The following TRIM62 variants were observed in gnomAD, a reference collection of about 807,000 sequenced individuals.
The protein encoded by TRIM62 is E3 ubiquitin-protein ligase TRIM62.
A neutral mutation model predicts 44.2 loss-of-function variants in TRIM62; 39 were observed. The observed-to-expected ratio is 0.88, with a 90% CI of 0.68 to 1.15. TRIM62 has a LOEUF of 1.15. TRIM62 is among the 50% of genes most tolerant of loss of function. TRIM62 has a pLI of 0.00. For missense variants in TRIM62, 544 were observed against 665.5 expected (o/e 0.82, Z 2.01); for synonymous variants, 278 against 292.3 (o/e 0.95, Z 0.50).
intron 1 of TRIM62, among the ~76,000 whole-genome samples, chr1:33,178,594 G>GT (rs1451760713): frequency 2.6e-5 from 4 of 152,198 alleles, no homozygotes; most frequent in Non-Finnish European, 4.4e-5. Context: ...ACCTCAAATA[G>GT]CAGGTTAATC....
rs1645338945 is a variant in TRIM62, at chr1:33,167,487, C to T, written c.409-1921G>A. ...CCATTGTATTATCGCCAGTTGTTCTCCTGTCTGTCTCTTCTTCGTCCCCGT... is the reference window on the plus strand; with the variant it reads ...CCATTGTATTATCGCCAGTTGTTCTTCTGTCTGTCTCTTCTTCGTCCCCGT... On this transcript the variant is annotated intron_variant, in intron 1 of 4. Transcript: ENST00000291416. This position sits in a 1 kb window ranked among gnomAD's most constrained non-coding sequence, Gnocchi z 4.2. Among the ~76,000 whole-genome samples, 2 of 152,188 alleles carry T rather than the reference C, an allele frequency of 1.3e-5. No homozygotes were observed. The highest frequency in any genetic ancestry group is 4.1e-4 in the South Asian group (2 of 4,828).
At chr1:33,168,973 G>T (rs998810437) in intron 1 of TRIM62, among the ~76,000 whole-genome samples, 3 of 151,818 alleles carry the variant, frequency 2.0e-5, no homozygotes, top group African/African-American at 7.3e-5. Context: ...CCCTGATTTT[G>T]CAGTCAGGGA....
chr1:33,181,663 G>T lies in TRIM62; in HGVS notation c.-231C>A. 1 of 700,276 alleles carries T rather than the reference G, an allele frequency of 1.4e-6. No homozygotes were observed. 43.4% of individuals were successfully genotyped at this position (700,276 alleles called of 1,614,324 possible). A position where few individuals can be genotyped will look rare whatever the true frequency, so the allele number is the denominator to read the frequency against. On this transcript the variant is annotated 5_prime_UTR_variant, in exon 1 of 5. Transcript: ENST00000291416. The surrounding 1 kb of genome is among the most constrained non-coding windows in gnomAD (Gnocchi z 6.5). ...AGCCCGGGAGGGCAGTCTAGAGGTA[G>T]TGGGCAGCTCAAGGCGATGGGCGCT...
Position 33,161,844 on chromosome 1 carries a change from C to G in TRIM62, c.505-1900G>C, listed in dbSNP as rs1411196005. ...CTCCTAGTTGAAAGTTCTGCTTTGC[C>G]TCCCATCTCTGTGACTGCTGCCTCT... On this transcript the variant is annotated intron_variant, in intron 2 of 4. Coordinates refer to ENST00000291416, the MANE Select transcript of TRIM62 (RefSeq NM_018207.3). The surrounding 1 kb of genome is among the most constrained non-coding windows in gnomAD (Gnocchi z 4.3). 2.0e-5 allele frequency among the ~76,000 whole-genome samples: 3 copies of G among 152,180 alleles called. No individual in the cohort carries two copies. The highest frequency in any genetic ancestry group is 4.4e-5 in the Non-Finnish European group (3 of 68,004).
chr1:33,155,547 G>A (rs2124723313), intron 4 of TRIM62, among the ~76,000 whole-genome samples: 1 of 152,316 alleles, frequency 6.6e-6, no homozygotes, highest in East Asian at 1.9e-4. Context: ...AGAATGGCCA[G>A]TGAGCTTAGT....
intron 1 of TRIM62, among the ~76,000 whole-genome samples, chr1:33,175,048 T>A (rs1156714798): frequency 6.6e-6 from 1 of 151,600 alleles, no homozygotes; most frequent in Non-Finnish European, 1.5e-5. Flanking sequence ...TATGTATATG[T>A]ATTTTTTTTA....
chr1:33,147,243 G>A lies in TRIM62; in HGVS notation c.1362C>T (p.Ser454=). ...TGCCATTGGCGTGGCTCTGGCCAGG[G>A]CTGAAGTAAGAGCAGAGCTTGCCAG... ...KFPGKLCSYF[S]PGQSHANGKN... Residue 454 remains serine, a synonymous_variant, in exon 5 of 5, where the codon AGC becomes AGT. Coordinates refer to ENST00000291416, the MANE Select transcript of TRIM62 (RefSeq NM_018207.3). This position sits in a 1 kb window ranked among gnomAD's most constrained non-coding sequence, Gnocchi z 8.1. 5.6e-6 allele frequency: 9 copies of A among 1,614,076 alleles called. No homozygotes were observed. Among genetic ancestry groups the A allele is most frequent in the Non-Finnish European group, 7.6e-6 (9 of 1,180,030 alleles).
Position 33,165,134 on chromosome 1 carries a change from A to C in TRIM62, c.504+337T>G, listed in dbSNP as rs1645314796. 4.8e-6 allele frequency: 1 copy of C among 210,326 alleles called. No individual in the cohort carries two copies. Among genetic ancestry groups the C allele is most frequent in the African/African-American group, 2.3e-5 (1 of 43,314 alleles). 13.0% of individuals were successfully genotyped at this position (210,326 alleles called of 1,614,324 possible). ...GGGAGAGGAGAAAGAGACTGAGCAC[A>C]TTCCCCAGCCCTTCAGGAGGCAGGG... On this transcript the variant is annotated intron_variant, in intron 2 of 4. Coordinates refer to ENST00000291416, the MANE Select transcript of TRIM62 (RefSeq NM_018207.3). This position sits in a 1 kb window ranked among gnomAD's most constrained non-coding sequence, Gnocchi z 4.0.
rs1283182495 is a variant in TRIM62 at position 33,147,087 on chromosome 1, G to A, written c.*90C>T. Reference sequence around the variant, plus strand: ...CTGGCCTGAGGTCTCCAGTGGCCACGGTGGGCTGGAGTCCAGGTCTTCTAT... The same window carrying A: ...CTGGCCTGAGGTCTCCAGTGGCCACAGTGGGCTGGAGTCCAGGTCTTCTAT... On this transcript the variant is annotated 3_prime_UTR_variant, in exon 5 of 5. Transcript: ENST00000291416. This position sits in a 1 kb window ranked among gnomAD's most constrained non-coding sequence, Gnocchi z 8.1. 41 of 1,453,874 alleles carry A rather than the reference G, an allele frequency of 2.8e-5. No individual in the cohort carries two copies. Among genetic ancestry groups the A allele is most frequent in the Admixed American group, 2.4e-4 (12 of 50,260 alleles). The allele number at this position is 1,453,874 out of a possible 1,614,324, so 90.1% of individuals were successfully genotyped here. A position where few individuals can be genotyped will look rare whatever the true frequency, so the allele number is the denominator to read the frequency against.
rs766563870 is a variant in TRIM62, at chr1:33,165,458, C to A, written c.504+13G>T. 1 of 1,580,924 alleles carries A rather than the reference C, an allele frequency of 6.3e-7. No homozygotes were observed. The highest frequency in any genetic ancestry group is 8.6e-7 in the Non-Finnish European group (1 of 1,162,640). On this transcript the variant is annotated intron_variant, in intron 2 of 4. Coordinates refer to ENST00000291416, the MANE Select transcript of TRIM62 (RefSeq NM_018207.3). This position sits in a 1 kb window ranked among gnomAD's most constrained non-coding sequence, Gnocchi z 4.0. ...CTCTGCCGGCCCCACCTCCGCGCCC[C>A]GGCCAGGCTCACCTTGGTCTCCGCC...
chr1:33,155,692 A>G (rs990789359), intron 4 of TRIM62, among the ~76,000 whole-genome samples: 1 of 152,136 alleles, frequency 6.6e-6, no homozygotes, highest in East Asian at 1.9e-4. Context: ...AATGAGGATA[A>G]TAACACTTCC....
intron 1 of TRIM62, among the ~76,000 whole-genome samples, chr1:33,174,754 A>T (rs921201617): frequency 2.0e-5 from 3 of 152,166 alleles, no homozygotes; most frequent in African/African-American, 4.8e-5. Context: ...CAACAGAGCA[A>T]GCCTCAGTTA....
At chr1:33,152,922 C>T (rs1042217115) in intron 4 of TRIM62, among the ~76,000 whole-genome samples, 1 of 152,028 alleles carries the variant, frequency 6.6e-6, no homozygotes, top group African/African-American at 2.4e-5. Context: ...GGACAATGGG[C>T]TGCCTGGCCT....
rs552860701 is a variant in TRIM62 at position 33,177,663 on chromosome 1, A to G, written c.408+3362T>C. 1.6e-4 allele frequency among the ~76,000 whole-genome samples: 24 copies of G among 152,264 alleles called. No homozygotes were observed. Among genetic ancestry groups the G allele is most frequent in the Non-Finnish European group, 3.2e-4 (22 of 68,020 alleles). ...CTTGGAGATGGTTTTGATTGTCACAACTTGCGGGGTGGGTGGAGTTTGCTA... is the reference window on the plus strand; with the variant it reads ...CTTGGAGATGGTTTTGATTGTCACAGCTTGCGGGGTGGGTGGAGTTTGCTA... On this transcript the variant is annotated intron_variant, in intron 1 of 4. Coordinates refer to ENST00000291416, the MANE Select transcript of TRIM62 (RefSeq NM_018207.3). This position sits in a 1 kb window ranked among gnomAD's most constrained non-coding sequence, Gnocchi z 4.1.
chr1:33,168,719 G>A (rs770043681), intron 1 of TRIM62, among the ~76,000 whole-genome samples: 11 of 152,242 alleles, frequency 7.2e-5, no homozygotes, highest in African/African-American at 2.7e-4. Flanking sequence ...GTTTGCCTAA[G>A]AGAGTAGAAA....
intron 4 of TRIM62, among the ~76,000 whole-genome samples, chr1:33,151,937 T>C (rs1410034430): frequency 1.3e-5 from 2 of 152,232 alleles, no homozygotes; most frequent in South Asian, 2.1e-4. Context: ...GCTTCGAACA[T>C]GCAGAGGCCT....
Position 33,147,629 on chromosome 1 carries a change from G to A in TRIM62, c.976C>T (p.Pro326Ser). ...AAGCGCTTTGGCGAGTCCTGCAGTGGCTGTGGGTGCAAGTTGCCGTAAGCC... is the reference window on the plus strand; with the variant it reads ...AAGCGCTTTGGCGAGTCCTGCAGTGACTGTGGGTGCAAGTTGCCGTAAGCC... ...IVAYGNLHPQ[P>S]LQDSPKRFDV... The change falls in exon 5 of 5, where the codon CCA (proline) becomes TCA (serine). Residue 326 changes from proline to serine, a missense_variant. Transcript: ENST00000291416. This position sits in a 1 kb window ranked among gnomAD's most constrained non-coding sequence, Gnocchi z 8.1. The A allele has an allele frequency of 6.2e-7, 1 of 1,614,024 alleles. No homozygotes were observed. Among genetic ancestry groups the A allele is most frequent in the Non-Finnish European group, 8.5e-7 (1 of 1,180,046 alleles).
At position 33,181,149 on chromosome 1, in the gene TRIM62, G is replaced by T. The variant is rs780210877; in HGVS notation, c.284C>A (p.Ala95Glu). Residue 95 changes from alanine to glutamate, a missense_variant, in exon 1 of 5, where the codon GCG becomes GAG. Physicochemically the swap from Ala to Glu is moderately radical, Grantham distance 107 (BLOSUM62 -1). Transcript: ENST00000291416. The surrounding 1 kb of genome is among the most constrained non-coding windows in gnomAD (Gnocchi z 6.5). ...GCAGAAGAGCTTGACCTTGTCGTGC[G>T]CCTGGCAGGGTCGCGCGGCGCGGCG... ...NARRAARPCQ[A>E]HDKVKLFCLT... The T allele has an allele frequency of 6.3e-7, 1 of 1,599,756 alleles. No homozygotes were observed. Among genetic ancestry groups the T allele is most frequent in the Non-Finnish European group, 8.5e-7 (1 of 1,178,176 alleles).
chr1:33,161,652 C>A lies in TRIM62; in HGVS notation c.505-1708G>T, dbSNP rs1335850689. 1.3e-5 allele frequency among the ~76,000 whole-genome samples: 2 copies of A among 152,136 alleles called. No homozygotes were observed. The highest frequency in any genetic ancestry group is 2.9e-5 in the Non-Finnish European group (2 of 68,024). ...CTGCCGTGGCCTTCCTGAGCCCCCT[C>A]ACCCGGGGAGGGTGGAGGCCTCTGC... On this transcript the variant is annotated intron_variant, in intron 2 of 4. Transcript: ENST00000291416. The surrounding 1 kb of genome is among the most constrained non-coding windows in gnomAD (Gnocchi z 4.3).
Sources: gnomAD v4.1 joint callset for allele counts (sites outside exome capture counted in the v4.1 genomes callset) on GRCh38, gnomAD v4.1.1 for gene constraint, Gnocchi (gnomAD v3.1) non-coding constraint, MANE v1.5 for transcripts, NCBI Gene and HGNC (gene_info 2026-07-23, HGNC 2026-07-21) for gene names.